The following LPP variants were observed in gnomAD, a reference collection of about 807,000 sequenced individuals.
LPP encodes LIM domain containing preferred translocation partner in lipoma.
LPP carries 38 observed loss-of-function variants against 60.4 expected under a neutral mutation model. The ratio of observed to expected loss-of-function variants is 0.63; its 90% CI spans 0.49 to 0.83. The LOEUF is 0.83. Ranked by LOEUF, LPP falls within the 40% of genes least tolerant of loss-of-function variation. The pLI is 0.00. For synonymous variants in LPP, 328 were observed against 290.8 expected, an observed-to-expected ratio of 1.13 and a Z score of -1.30; for missense variants, 902 against 783.6, an observed-to-expected ratio of 1.15 and a Z score of -1.80.
intron 5 of LPP, among the ~76,000 whole-genome samples, chr3:188,519,353 A>G (rs1818262610): frequency 6.6e-6 from 1 of 152,134 alleles, no homozygotes; most frequent in Non-Finnish European, 1.5e-5. Flanking sequence ...GAAAAACCAG[A>G]TTGGTTGGAC....
At chr3:188,248,394 TTAAGATAACTGACCTTTG>T (rs1341741138) in intron 2 of LPP, among the ~76,000 whole-genome samples, 1 of 150,142 alleles carries the variant, frequency 6.7e-6, no homozygotes, top group Non-Finnish European at 1.5e-5. Flanking sequence ...AAAATGCCTT[TTAAGATAACTGACCTTTG>T]TATTTTAATG....
At chr3:188,361,539 CT>C (rs1327319744) in intron 3 of LPP, among the ~76,000 whole-genome samples, 18 of 124,334 alleles carry the variant, frequency 1.4e-4, no homozygotes, top group African/African-American at 3.1e-4. Context: ...CTCCTCTCCT[CT>C]CCTCCCCTCT....
At chr3:188,303,137 A>C (rs1577969363) in intron 2 of LPP, among the ~76,000 whole-genome samples, 1 of 152,346 alleles carries the variant, frequency 6.6e-6, no homozygotes, top group East Asian at 1.9e-4. Flanking sequence ...TACACAGCTT[A>C]GATTTGTGGT....
At chr3:188,314,903 T>C (rs564570170) in intron 2 of LPP, among the ~76,000 whole-genome samples, 14 of 152,344 alleles carry the variant, frequency 9.2e-5, no homozygotes, top group South Asian at 6.2e-4. Flanking sequence ...GTTATTTCTT[T>C]AAAATATGGT....
At chr3:188,346,615 A>G (rs555116162) in intron 3 of LPP, among the ~76,000 whole-genome samples, 7 of 152,276 alleles carry the variant, frequency 4.6e-5, no homozygotes, top group South Asian at 4.1e-4. Context: ...ACACGTGCAT[A>G]CACATGATCC....
intron 7 of LPP, among the ~76,000 whole-genome samples, chr3:188,625,990 T>C (rs1388141195): frequency 6.6e-6 from 1 of 152,182 alleles, no homozygotes; most frequent in African/African-American, 2.4e-5. Context: ...TAGTTAATAC[T>C]CTCAATAATG....
intron 6 of LPP, among the ~76,000 whole-genome samples, chr3:188,543,677 A>C (rs1405724706): frequency 6.6e-6 from 1 of 152,198 alleles, no homozygotes; most frequent in African/African-American, 2.4e-5. Flanking sequence ...CTGAGCAAGC[A>C]ATAGGTAGAG....
intron 7 of LPP, among the ~76,000 whole-genome samples, chr3:188,655,715 G>A (rs1853039580): frequency 6.6e-6 from 1 of 152,068 alleles, no homozygotes; most frequent in African/African-American, 2.4e-5. Context: ...AAGGATCAAG[G>A]AGGATATCTA....
chr3:188,661,172 C>A (rs1300429560), intron 7 of LPP, among the ~76,000 whole-genome samples: 2 of 152,110 alleles, frequency 1.3e-5, no homozygotes, highest in Non-Finnish European at 2.9e-5. Context: ...CTTGGTAACT[C>A]ATTTCTTTCT....
intron 2 of LPP, among the ~76,000 whole-genome samples, chr3:188,227,423 C>G (rs1047372894): frequency 3.4e-5 from 5 of 147,582 alleles, no homozygotes; most frequent in African/African-American, 1.3e-4. Context: ...CACCTATGAG[C>G]AGACTGGAAG....
chr3:188,178,984 G>A (rs779847318), intron 1 of LPP: 2 of 288,296 alleles, frequency 6.9e-6, no homozygotes, highest in Non-Finnish European at 1.4e-5. Flanking sequence ...GGGAGAGAGA[G>A]AGCACGACAA....
rs1268176105 is a variant in LPP, at chr3:188,406,218, G to A, written c.98G>A (p.Ser33Asn). ...ACCACCCATTCCTTTGGGAACCCCA[G>A]CATTTCAGTGTCTACACAACAGCCA... The part of the protein sequence containing the change: ...METTHSFGNP[S>N]ISVSTQQPPK... Residue 33 changes from serine (S) to asparagine (N), a missense_variant, in exon 4 of 12, where the codon AGC (serine) becomes AAC (asparagine). Physicochemically the swap from Ser to Asn is conservative, Grantham distance 46. Coordinates refer to ENST00000617246, the MANE Select transcript of LPP (RefSeq NM_001375462.1). The A allele has an allele frequency of 1.2e-6, 2 of 1,614,040 alleles. No homozygotes were observed. The highest frequency in any genetic ancestry group is 1.7e-6 in the Non-Finnish European group (2 of 1,180,020).
At chr3:188,528,357 G>A (rs1821237037) in intron 6 of LPP, among the ~76,000 whole-genome samples, 3 of 151,556 alleles carry the variant, frequency 2.0e-5, no homozygotes, top group South Asian at 4.2e-4. Context: ...TTTTTTAAAC[G>A]GAGCTTTCAT....
At chr3:188,573,656 A>C (rs1404493693) in intron 6 of LPP, among the ~76,000 whole-genome samples, 2 of 152,146 alleles carry the variant, frequency 1.3e-5, no homozygotes, top group East Asian at 3.9e-4. Flanking sequence ...AATTACCAAT[A>C]CATTCTCAAT....
chr3:188,309,002 T>TCCTCCTTCC (rs1752501450), intron 2 of LPP, among the ~76,000 whole-genome samples: 1 of 138,338 alleles, frequency 7.2e-6, no homozygotes. Flanking sequence ...CTCCTTCTCC[T>TCCTCCTTCC]TCTTCTTTTT....
intron 2 of LPP, among the ~76,000 whole-genome samples, chr3:188,325,316 A>G (rs1758116826): frequency 6.6e-6 from 1 of 152,064 alleles, no homozygotes; most frequent in Admixed American, 6.5e-5. Flanking sequence ...CACTTTACAC[A>G]GTAATCTGTA....
chr3:188,451,629 A>G (rs1796611016), intron 4 of LPP, among the ~76,000 whole-genome samples: 2 of 152,304 alleles, frequency 1.3e-5, no homozygotes, highest in South Asian at 4.1e-4. Flanking sequence ...TTTAATTACA[A>G]ACTATCATGA....
intron 2 of LPP, among the ~76,000 whole-genome samples, chr3:188,230,930 G>T (rs1560133871): frequency 6.6e-6 from 1 of 152,190 alleles, no homozygotes; most frequent in South Asian, 2.1e-4. Context: ...CTCCGGGGAA[G>T]ATCTACTTGC....
At chr3:188,739,315 G>T (rs1041478285) in intron 8 of LPP, among the ~76,000 whole-genome samples, 10 of 151,974 alleles carry the variant, frequency 6.6e-5, no homozygotes, top group African/African-American at 2.4e-4. Flanking sequence ...AGAAGGAAAG[G>T]ACTGAAATCT....
Sources: allele counts gnomAD v4.1 joint callset (sites outside exome capture counted in the v4.1 genomes callset), GRCh38; gene constraint gnomAD v4.1.1; transcripts MANE v1.5; gene names NCBI Gene and HGNC (gene_info 2026-07-23, HGNC 2026-07-21).